The following ETV1 variants were observed in gnomAD, a reference collection of about 807,000 sequenced individuals.
ETV1 encodes ETS variant transcription factor 1, also known as ETS translocation variant 1.
In ETV1, 27 loss-of-function variants were observed where a neutral mutation model predicts 62.3. The observed-to-expected ratio is 0.43, with a 90% CI of 0.32 to 0.60. The LOEUF is 0.60. ETV1 is among the 20% of genes least tolerant of loss of function. The probability of loss-of-function intolerance (pLI) is 0.06; values close to 1 mark genes in which losing one functional copy is unlikely to be tolerated. For missense variants in ETV1, 605 were observed against 605.8 expected, an observed-to-expected ratio of 1.00 and a Z score of 0.01; for synonymous variants, 222 against 199.6, an observed-to-expected ratio of 1.11 and a Z score of -0.94.
chr7:13,928,047 A>C (rs962144362), intron 9 of ETV1, among the ~76,000 whole-genome samples: 1 of 152,178 alleles, frequency 6.6e-6, no homozygotes, highest in Non-Finnish European at 1.5e-5. Context: ...ACCTTCGACA[A>C]ACGATGCTGG....
chr7:13,939,986 G>A (rs17167681), intron 6 of ETV1, among the ~76,000 whole-genome samples: 45,660 of 152,036 alleles, frequency 0.3, 7,396 homozygotes, highest in East Asian at 0.4. Context: ...GTTTAATAAC[G>A]TACAAAGCTA....
rs1315220986 is a variant in ETV1, at chr7:13,894,749, G to C, written c.*1117C>G. The stretch of plus-strand genomic sequence containing the variant: ...GCATGAAAGAGAATATTACAGAAAA[G>C]ACAGCAGCAGAAGCATTAGCATTAT... On this transcript the variant is annotated 3_prime_UTR_variant, in exon 14 of 14. Coordinates refer to ENST00000430479, the MANE Select transcript of ETV1 (RefSeq NM_004956.5). 1.3e-5 allele frequency: 3 copies of C among 232,486 alleles called. No homozygotes were observed. Among genetic ancestry groups the C allele is most frequent in the African/African-American group, 6.6e-5 (3 of 45,260 alleles). 14.4% of individuals were successfully genotyped at this position (232,486 alleles called of 1,614,324 possible).
intron 6 of ETV1, among the ~76,000 whole-genome samples, chr7:13,951,677 T>C (rs529722894): frequency 1.1e-4 from 17 of 152,230 alleles, no homozygotes; most frequent in Non-Finnish European, 2.1e-4. Flanking sequence ...TCTGGTAAGC[T>C]AGGTAACCTT....
At chr7:13,963,198 T>C (rs903521625) in intron 6 of ETV1, among the ~76,000 whole-genome samples, 1 of 152,092 alleles carries the variant, frequency 6.6e-6, no homozygotes, top group African/African-American at 2.4e-5. Context: ...TATAAATGAT[T>C]AGTATTATTG....
intron 9 of ETV1, among the ~76,000 whole-genome samples, chr7:13,925,489 A>C (rs1400512662): frequency 6.6e-6 from 1 of 152,200 alleles, no homozygotes; most frequent in Non-Finnish European, 1.5e-5. Context: ...TGAGACTATA[A>C]CATCATTTAC....
chr7:13,913,698 C>T (rs1011190433), intron 9 of ETV1, among the ~76,000 whole-genome samples: 1 of 151,956 alleles, frequency 6.6e-6, no homozygotes, highest in Admixed American at 6.6e-5. Flanking sequence ...TTATCTTACT[C>T]TGCTGTTCTT....
chr7:13,918,370 A>G (rs1340541164), intron 9 of ETV1, among the ~76,000 whole-genome samples: 1 of 152,188 alleles, frequency 6.6e-6, no homozygotes, highest in Non-Finnish European at 1.5e-5. Flanking sequence ...CTATTTCTCC[A>G]CATCCTCTCC....
chr7:13,900,960 A>AAAG, intron 12 of ETV1, 121 bp from the exon 13 acceptor site: 1 of 602,994 alleles, frequency 1.7e-6, no homozygotes, highest in South Asian at 2.6e-5. Context: ...ATATAAGTAA[A>AAAG]GTAGCAAGAG....
chr7:13,954,687 T>C (rs994855940), intron 6 of ETV1, among the ~76,000 whole-genome samples: 1 of 152,180 alleles, frequency 6.6e-6, no homozygotes, highest in African/African-American at 2.4e-5. Context: ...AATTGACTAT[T>C]TTAGCACCAA....
chr7:13,957,776 G>A (rs960680426), intron 6 of ETV1, among the ~76,000 whole-genome samples: 3 of 152,190 alleles, frequency 2.0e-5, no homozygotes, highest in Non-Finnish European at 2.9e-5. Flanking sequence ...GCACTCCTTT[G>A]TAATTGATAG....
chr7:13,914,597 T>G (rs1783941471), intron 9 of ETV1, among the ~76,000 whole-genome samples: 1 of 145,656 alleles, frequency 6.9e-6, no homozygotes, highest in African/African-American at 2.5e-5. Flanking sequence ...CTCTTCAAAT[T>G]AAAATACGCA....
chr7:13,945,973 T>C lies in ETV1; in HGVS notation c.236-6727A>G, dbSNP rs1283814128. On this transcript the variant is annotated intron_variant, in intron 6 of 13. Coordinates refer to ENST00000430479, the MANE Select transcript of ETV1 (RefSeq NM_004956.5). ...GGCTCCAGCCTGCTGCCGAGGCTGCTAGGTACTTTTCATTTCTCTTACAGT... is the reference window on the plus strand; with the variant it reads ...GGCTCCAGCCTGCTGCCGAGGCTGCCAGGTACTTTTCATTTCTCTTACAGT... 2.0e-5 allele frequency among the ~76,000 whole-genome samples: 3 copies of C among 152,220 alleles called. 1 individual carries two copies. The highest frequency in any genetic ancestry group is 2.0e-4 in the Admixed American group (3 of 15,286).
At chr7:13,914,175 G>A (rs1158620438) in intron 9 of ETV1, among the ~76,000 whole-genome samples, 3 of 151,306 alleles carry the variant, frequency 2.0e-5, no homozygotes, top group South Asian at 2.1e-4. Context: ...ATGAGTCACC[G>A]CGCCCGGCCG....
intron 13 of ETV1, among the ~76,000 whole-genome samples, chr7:13,899,573 C>A (rs1246355669): frequency 1.3e-5 from 2 of 152,036 alleles, no homozygotes; most frequent in Non-Finnish European, 1.5e-5. Context: ...TAAAAATGTG[C>A]CACAATCTAT....
chr7:13,987,682 C>T (rs113631106), intron 4 of ETV1, among the ~76,000 whole-genome samples: 130 of 152,200 alleles, frequency 8.5e-4, no homozygotes, highest in Non-Finnish European at 1.4e-3. Context: ...CAAACAATCA[C>T]TAATACTGTT....
chr7:13,910,026 G>A (rs949544207), intron 10 of ETV1, among the ~76,000 whole-genome samples: 2 of 151,932 alleles, frequency 1.3e-5, no homozygotes, highest in South Asian at 2.1e-4. Flanking sequence ...ATAACGTATC[G>A]TCTCCTTTTT....
chr7:13,904,984 A>G (rs1276205917), intron 12 of ETV1, among the ~76,000 whole-genome samples: 3 of 149,198 alleles, frequency 2.0e-5, no homozygotes, highest in Non-Finnish European at 4.4e-5. Context: ...TCAAATACTG[A>G]CATTGAGTCT....
intron 12 of ETV1, among the ~76,000 whole-genome samples, chr7:13,904,162 C>T (rs565167635): frequency 2.0e-5 from 3 of 152,114 alleles, no homozygotes; most frequent in African/African-American, 7.2e-5. Flanking sequence ...CAGTCATTGC[C>T]TGATGGAAGT....
chr7:13,892,701 G>C lies in ETV1; in HGVS notation c.*3165C>G, dbSNP rs1438888630. 4.3e-6 allele frequency: 1 copy of C among 231,968 alleles called. No individual in the cohort carries two copies. Among genetic ancestry groups the C allele is most frequent in the East Asian group, 6.1e-5 (1 of 16,416 alleles). The allele number at this position is 231,968 out of a possible 1,614,324, so 14.4% of individuals were successfully genotyped here. On this transcript the variant is annotated 3_prime_UTR_variant, in exon 14 of 14. Transcript: ENST00000430479. ...GAGCATCCCCTAAATGTAATCACAA[G>C]CATCCTTATAAGAGGCAGGAAGGAA...
Sources: gnomAD v4.1 joint callset for allele counts (sites outside exome capture counted in the v4.1 genomes callset) on GRCh38, gnomAD v4.1.1 for gene constraint, MANE v1.5 for transcripts, NCBI Gene and HGNC (gene_info 2026-07-23, HGNC 2026-07-21) for gene names.